The following FRYL variants were observed in gnomAD, a reference collection of about 807,000 sequenced individuals.
FRYL encodes protein furry homolog-like.
Under a neutral mutation model 351.2 loss-of-function variants are expected in FRYL, and 150 were observed. That is an observed-to-expected ratio of 0.43 (90% CI 0.37 to 0.49). The LOEUF is 0.49. Among genes scored for constraint, FRYL ranks in the 20% least tolerant of loss-of-function variants. The pLI is 0.00. For synonymous variants in FRYL, 1,153 were observed against 1,257.1 expected (o/e 0.92, Z 1.75); for missense variants, 3,036 against 3,619.3 (o/e 0.84, Z 4.13).
intron 7 of FRYL, among the ~76,000 whole-genome samples, chr4:48,611,764 T>C (rs1298652620): frequency 6.6e-6 from 1 of 152,198 alleles, no homozygotes; most frequent in African/African-American, 2.4e-5. Flanking sequence ...TAACTTTTAG[T>C]AATATTTTCT....
chr4:48,556,903 G>C, intron 35 of FRYL, 75 bp downstream of exon 35: 1 of 1,335,562 alleles, frequency 7.5e-7, no homozygotes, highest in Non-Finnish European at 1.0e-6. Flanking sequence ...GGCAACTGCT[G>C]CCCATACTCT....
Position 48,619,297 on chromosome 4 carries a change from C to A in FRYL, c.388G>T (p.Val130Phe). 6.2e-7 allele frequency: 1 copy of A among 1,608,622 alleles called. No homozygotes were observed. The highest frequency in any genetic ancestry group is 8.5e-7 in the Non-Finnish European group (1 of 1,176,972). Residue 130 changes from valine to phenylalanine, a missense_variant, in exon 7 of 64, where the codon GTT becomes TTT. This residue lies in a region of FRYL where 457 missense variants were observed against 566.6 expected (regional missense o/e 0.81). Transcript: ENST00000358350. ...ACCTGCTTTAGAACTTCAACTAAAA[C>A]TAAACAAAAAATGAAGTCTACTGCT... ...DLAVDFIFCL[V>F]LVEVLKQIPV...
At position 48,561,480 on chromosome 4, in the gene FRYL, C is replaced by A. The variant is rs200059812; in HGVS notation, c.3853G>T (p.Ala1285Ser). 4 of 1,591,150 alleles carry A rather than the reference C, an allele frequency of 2.5e-6. No individual in the cohort carries two copies. Among genetic ancestry groups the A allele is most frequent in the South Asian group, 2.3e-5 (2 of 85,934 alleles). ...LARAYPELTL[A>S]IFSEISQRIQ... ...TCATTGATCATACCTGAGAATATGG[C>A]GAGAGTTAGCTCAGGATACGCCCTT... The change falls in exon 33 of 64, where the codon GCC (alanine) becomes TCC (serine). Residue 1285 changes from alanine to serine, a missense_variant. Physicochemically the swap from Ala to Ser is moderately conservative, Grantham distance 99. Coordinates refer to ENST00000358350, the MANE Select transcript of FRYL (RefSeq NM_015030.2).
chr4:48,718,989 C>G (rs1470543945), intron 1 of FRYL, among the ~76,000 whole-genome samples: 1 of 151,526 alleles, frequency 6.6e-6, no homozygotes, highest in African/African-American at 2.4e-5. Flanking sequence ...ACCCCAACTA[C>G]TTTCTAATGA....
intron 1 of FRYL, among the ~76,000 whole-genome samples, chr4:48,714,380 C>T (rs1433596590): frequency 2.3e-5 from 3 of 131,170 alleles, no homozygotes; most frequent in Non-Finnish European, 3.3e-5. Context: ...GCTAGCAAGA[C>T]TAATAAAGAA....
At chr4:48,602,259 A>C in intron 12 of FRYL, 138 bp from the exon 13 acceptor site, 1 of 580,888 alleles carries the variant, frequency 1.7e-6, no homozygotes, top group Non-Finnish European at 3.2e-6. Flanking sequence ...TAAGAAATAT[A>C]ATCTCATAGA....
At chr4:48,729,629 C>G (rs1770502044) in intron 1 of FRYL, among the ~76,000 whole-genome samples, 1 of 152,164 alleles carries the variant, frequency 6.6e-6, no homozygotes, top group Non-Finnish European at 1.5e-5. Context: ...CCAGCAAACT[C>G]CAACACATCT....
chr4:48,754,878 G>C (rs187590964), intron 1 of FRYL, among the ~76,000 whole-genome samples: 1 of 152,168 alleles, frequency 6.6e-6, no homozygotes, highest in Admixed American at 6.5e-5. Context: ...CTGACCTCAG[G>C]TGATCCACCC....
chr4:48,587,214 A>G (rs1280700743), intron 18 of FRYL, among the ~76,000 whole-genome samples: 1 of 152,058 alleles, frequency 6.6e-6, no homozygotes, highest in Non-Finnish European at 1.5e-5. Flanking sequence ...AGGTGTTTAT[A>G]TTGTTTGTTC....
intron 3 of FRYL, among the ~76,000 whole-genome samples, chr4:48,639,462 T>TA (rs888034979): frequency 7.6e-6 from 1 of 132,288 alleles, no homozygotes; most frequent in African/African-American, 2.9e-5. Flanking sequence ...CAAATAGTAC[T>TA]AGAATAACTA....
intron 1 of FRYL, among the ~76,000 whole-genome samples, chr4:48,756,688 C>T (rs1773819581): frequency 6.6e-6 from 1 of 152,102 alleles, no homozygotes; most frequent in Non-Finnish European, 1.5e-5. Context: ...TAGCTCATGC[C>T]TGTAATCCCA....
chr4:48,671,024 T>C (rs763515226), intron 3 of FRYL, among the ~76,000 whole-genome samples: 3 of 152,214 alleles, frequency 2.0e-5, no homozygotes, highest in Non-Finnish European at 4.4e-5. Flanking sequence ...GGAACCTCCG[T>C]ACAGTTCTCC....
chr4:48,707,055 G>A (rs1267674400), intron 2 of FRYL, among the ~76,000 whole-genome samples: 1 of 152,148 alleles, frequency 6.6e-6, no homozygotes, highest in African/African-American at 2.4e-5. Context: ...AGACAATAAT[G>A]TCACTGTGTT....
intron 2 of FRYL, among the ~76,000 whole-genome samples, chr4:48,687,417 G>A (rs1030204717): frequency 6.8e-6 from 1 of 147,994 alleles, no homozygotes; most frequent in Admixed American, 6.9e-5. Context: ...TAATAATGTG[G>A]AAGCTTCCAT....
intron 19 of FRYL, among the ~76,000 whole-genome samples, chr4:48,584,315 G>A (rs138257071): frequency 7.9e-5 from 12 of 152,256 alleles, no homozygotes; most frequent in African/African-American, 2.9e-4. Context: ...CACAACAGAG[G>A]CAGAAAGTTG....
rs569528521 is a variant in FRYL, at chr4:48,500,016, C to T, written c.8783+14G>A. 37 of 1,544,736 alleles carry T rather than the reference C, an allele frequency of 2.4e-5. 1 individual carries two copies. In the South Asian group the frequency reaches 4.2e-4, roughly 17 times the overall value. ...AATTTAAAGGCATCACCTTTAAATC[C>T]CGTCACGTTTTACCTGAAAGCTTTG... On this transcript the variant is annotated intron_variant, in intron 63 of 63. Transcript: ENST00000358350.
At chr4:48,720,673 T>C (rs1769366957) in intron 1 of FRYL, among the ~76,000 whole-genome samples, 1 of 152,194 alleles carries the variant, frequency 6.6e-6, no homozygotes, top group Non-Finnish European at 1.5e-5. Context: ...AACCTGACAG[T>C]CACCATTCTA....
At chr4:48,680,471 T>C (rs1375862168) in intron 3 of FRYL, among the ~76,000 whole-genome samples, 2 of 151,926 alleles carry the variant, frequency 1.3e-5, no homozygotes, top group African/African-American at 4.8e-5. Flanking sequence ...AAAAATACTA[T>C]GATACAAAAT....
chr4:48,695,365 T>C (rs1444738869), intron 2 of FRYL, among the ~76,000 whole-genome samples: 1 of 152,184 alleles, frequency 6.6e-6, no homozygotes, highest in Non-Finnish European at 1.5e-5. Flanking sequence ...ACTACGCATA[T>C]ATGTAAAGGT....
Sources: gnomAD v4.1 joint callset for allele counts (sites outside exome capture counted in the v4.1 genomes callset) on GRCh38, gnomAD v4.1.1 for gene constraint, gnomAD v4.1.1 regional missense constraint, MANE v1.5 for transcripts, NCBI Gene and HGNC (gene_info 2026-07-23, HGNC 2026-07-21) for gene names.